The following CSGALNACT1 variants were observed in gnomAD, a reference collection of about 807,000 sequenced individuals.
CSGALNACT1 encodes chondroitin sulfate N-acetylgalactosaminyltransferase 1, also known as beta4GalNAcT-1.
CSGALNACT1 carries 52 observed loss-of-function variants against 51.0 expected under a neutral mutation model. The observed-to-expected ratio is 1.02, with a 90% CI of 0.82 to 1.29. The LOEUF (loss-of-function observed/expected upper bound fraction) is 1.29. Among genes scored for constraint, CSGALNACT1 ranks in the 50% most tolerant of loss-of-function variants. The pLI, the probability that CSGALNACT1 is intolerant of heterozygous loss-of-function variation, is 0.00. For synonymous variants in CSGALNACT1, 341 were observed against 254.4 expected (o/e 1.34, Z -3.24); for missense variants, 935 against 679.2 (o/e 1.38, Z -4.19).
chr8:19,413,933 TTCTCTGCA>T (rs1262439630), intron 8 of CSGALNACT1, among the ~76,000 whole-genome samples: 1 of 152,152 alleles, frequency 6.6e-6, no homozygotes, highest in Non-Finnish European at 1.5e-5. Flanking sequence ...TACAGATATT[TTCTCTGCA>T]TCCATTTGAG....
intron 5 of CSGALNACT1, among the ~76,000 whole-genome samples, chr8:19,448,342 G>T (rs1031569034): frequency 2.0e-5 from 3 of 152,126 alleles, no homozygotes; most frequent in Admixed American, 2.0e-4. Context: ...GACCATGTAT[G>T]GTCTTTGTAG....
At chr8:19,622,632 G>C (rs949045677) in intron 1 of CSGALNACT1, among the ~76,000 whole-genome samples, 5 of 152,136 alleles carry the variant, frequency 3.3e-5, no homozygotes, top group Non-Finnish European at 7.4e-5. Context: ...CCCTTGCATT[G>C]TCCAGGAAGT....
At chr8:19,646,840 T>C (rs1460391460) in intron 1 of CSGALNACT1, among the ~76,000 whole-genome samples, 1 of 152,130 alleles carries the variant, frequency 6.6e-6, no homozygotes, top group Non-Finnish European at 1.5e-5. Context: ...TGCGTTGACC[T>C]GCATTCTAAA....
At chr8:19,501,715 C>T (rs145477596) in intron 4 of CSGALNACT1, among the ~76,000 whole-genome samples, 4 of 152,282 alleles carry the variant, frequency 2.6e-5, no homozygotes, top group African/African-American at 9.6e-5. Flanking sequence ...AAACTTATGT[C>T]CAAGGGATCT....
chr8:19,475,716 T>C (rs752007329), intron 4 of CSGALNACT1, among the ~76,000 whole-genome samples: 1 of 152,200 alleles, frequency 6.6e-6, no homozygotes, highest in Non-Finnish European at 1.5e-5. Context: ...AGGAACATCC[T>C]TTTTCACAGA....
intron 3 of CSGALNACT1, among the ~76,000 whole-genome samples, chr8:19,538,893 T>C (rs1363032034): frequency 1.3e-5 from 2 of 152,120 alleles, no homozygotes; most frequent in Admixed American, 6.6e-5. Context: ...CTAGTGTGTG[T>C]CCATTTGCTC....
At chr8:19,475,562 C>T (rs2069376385) in intron 4 of CSGALNACT1, among the ~76,000 whole-genome samples, 1 of 152,168 alleles carries the variant, frequency 6.6e-6, no homozygotes, top group Admixed American at 6.5e-5. Flanking sequence ...CTTGGAAACA[C>T]AGACACAAAC....
At chr8:19,686,712 A>C (rs1175834187), upstream of CSGALNACT1, among the ~76,000 whole-genome samples, 1 of 152,246 alleles carries the variant, frequency 6.6e-6, no homozygotes, top group African/African-American at 2.4e-5. Flanking sequence ...AGGATAAAAT[A>C]ATAGAAGCTG....
At chr8:19,512,764 C>T (rs1480270755) in intron 3 of CSGALNACT1, among the ~76,000 whole-genome samples, 1 of 152,138 alleles carries the variant, frequency 6.6e-6, no homozygotes, top group East Asian at 1.9e-4. Context: ...TACCAAAGCC[C>T]TCCGAGATTT....
chr8:19,410,413 G>T (rs1028475536), intron 8 of CSGALNACT1, among the ~76,000 whole-genome samples: 3 of 152,160 alleles, frequency 2.0e-5, no homozygotes, highest in African/African-American at 7.2e-5. Flanking sequence ...CCATTGCAGC[G>T]AATAGACTAA....
intron 4 of CSGALNACT1, among the ~76,000 whole-genome samples, chr8:19,470,956 C>A (rs6986388): frequency 0.58 from 87,633 of 151,584 alleles, 25,814 homozygotes; most frequent in East Asian, 0.86. Context: ...ATTAGCTGGG[C>A]GTGGTGGTGG....
At chr8:19,619,823 T>C (rs780398122) in intron 1 of CSGALNACT1, among the ~76,000 whole-genome samples, 17 of 152,036 alleles carry the variant, frequency 1.1e-4, no homozygotes, top group Non-Finnish European at 1.8e-4. Flanking sequence ...ACTTGAGAGA[T>C]TAGAGAGTAA....
At chr8:19,527,784 G>A (rs1455007088) in intron 3 of CSGALNACT1, among the ~76,000 whole-genome samples, 1 of 152,158 alleles carries the variant, frequency 6.6e-6, no homozygotes, top group Non-Finnish European at 1.5e-5. Flanking sequence ...ATTTGGGGAG[G>A]AGATTATGAG....
intron 1 of CSGALNACT1, among the ~76,000 whole-genome samples, chr8:19,669,435 A>AT (rs1276751569): frequency 2.0e-5 from 3 of 152,078 alleles, no homozygotes; most frequent in African/African-American, 2.4e-5. Flanking sequence ...ACCGTTTCTA[A>AT]TTTTTTTGTT....
chr8:19,513,436 C>CTCTCTCTCTATATATATATATATATA, intron 3 of CSGALNACT1, among the ~76,000 whole-genome samples: 31 of 81,946 alleles, frequency 3.8e-4, no homozygotes, highest in Non-Finnish European at 4.9e-4. Flanking sequence ...CTCTCTCTCT[C>CTCTCTCTCTATATATATATATATATA]TATATATATA....
chr8:19,469,442 AAGG>A (rs147928077), intron 4 of CSGALNACT1, among the ~76,000 whole-genome samples: 10 of 152,288 alleles, frequency 6.6e-5, no homozygotes, highest in African/African-American at 2.4e-4. Context: ...TGGATGGGGC[AAGG>A]AGGAGACCAT....
At chr8:19,500,001 G>T (rs1331504812) in intron 4 of CSGALNACT1, among the ~76,000 whole-genome samples, 1 of 152,134 alleles carries the variant, frequency 6.6e-6, no homozygotes, top group Non-Finnish European at 1.5e-5. Flanking sequence ...TTGCTTTTAA[G>T]TCTCTTATCT....
chr8:19,593,725 T>C (rs1020367467), intron 2 of CSGALNACT1, among the ~76,000 whole-genome samples: 2 of 152,208 alleles, frequency 1.3e-5, no homozygotes, highest in Non-Finnish European at 2.9e-5. Flanking sequence ...TAAAGGACAC[T>C]GTGCAGCTCC....
In CSGALNACT1 at chr8:19,428,825, ATGTGTGTGTGTGTGTGTG is replaced by A. The variant is rs59241616; in HGVS notation, c.954-8325_954-8308del. On this transcript the variant is annotated intron_variant, in intron 6 of 9. Transcript: ENST00000454498. ...ACACCCTTCTCACATAAGACATGATATGTGTGTGTGTGTGTGTGTGTGTGTGTGTGTGTGTGTGTGTGT... is the reference window on the plus strand; with the variant it reads ...ACACCCTTCTCACATAAGACATGATATGTGTGTGTGTGTGTGTGTGTGTGT... Among the ~76,000 whole-genome samples, 1,201 of 143,460 alleles carry A rather than the reference ATGTGTGTGTGTGTGTGTG, an allele frequency of 8.4e-3. 8 individuals are homozygous for A. Among genetic ancestry groups the A allele is most frequent in the Middle Eastern group, 0.018 (5 of 282 alleles). The allele number at this position is 143,460 out of a possible 152,430, so 94.1% of individuals were successfully genotyped here.
Sources: allele counts gnomAD v4.1 joint callset (sites outside exome capture counted in the v4.1 genomes callset), GRCh38; gene constraint gnomAD v4.1.1; transcripts MANE v1.5; gene names NCBI Gene and HGNC (gene_info 2026-07-23, HGNC 2026-07-21).